Variants in LRRC7 observed in about 807,000 individuals in gnomAD.
LRRC7 encodes the protein leucine-rich repeat-containing protein 7.
In LRRC7, 23 loss-of-function variants were observed where a neutral mutation model predicts 175.7. The observed-to-expected ratio is 0.13, with a 90% CI of 0.09 to 0.19. LRRC7 has a LOEUF of 0.19. Among genes scored for constraint, LRRC7 ranks in the 10% least tolerant of loss-of-function variants. The pLI is 1.00. For missense variants in LRRC7, 1,354 were observed against 1,904.7 expected (o/e 0.71, Z 5.38); for synonymous variants, 685 against 680.9 (o/e 1.01, Z -0.09).
intron 23 of LRRC7, among the ~76,000 whole-genome samples, chr1:70,075,083 A>ATCTGAATTTATT (rs1553200281): frequency 1.3e-5 from 2 of 152,220 alleles, no homozygotes; most frequent in Admixed American, 1.3e-4. Context: ...CAGGAAATAA[A>ATCTGAATTTATT]TCCCCACGTC....
At chr1:69,767,363 C>A (rs918482273) in intron 3 of LRRC7, among the ~76,000 whole-genome samples, 3 of 152,032 alleles carry the variant, frequency 2.0e-5, no homozygotes, top group African/African-American at 7.2e-5. Context: ...TAATACAAAT[C>A]CATCAGTTTG....
chr1:69,917,591 C>T (rs1646759637), intron 7 of LRRC7, among the ~76,000 whole-genome samples: 1 of 152,120 alleles, frequency 6.6e-6, no homozygotes, highest in Non-Finnish European at 1.5e-5. Context: ...AAGAGTGCTG[C>T]TGGTATCTAG....
intron 16 of LRRC7, 76 bp from the exon 17 acceptor site, chr1:70,023,050 T>G: frequency 7.3e-7 from 1 of 1,369,274 alleles, no homozygotes; most frequent in Non-Finnish European, 9.6e-7. Flanking sequence ...AAAAAGAGAG[T>G]AGAAAAATGA....
At chr1:69,942,311 T>C (rs1380648522) in intron 8 of LRRC7, among the ~76,000 whole-genome samples, 1 of 152,106 alleles carries the variant, frequency 6.6e-6, no homozygotes, top group Non-Finnish European at 1.5e-5. Flanking sequence ...TCAATCACCA[T>C]AGGACGTGAT....
At chr1:69,753,905 ATTTAAATTT>A (rs2100908712) in intron 2 of LRRC7, among the ~76,000 whole-genome samples, 1 of 152,204 alleles carries the variant, frequency 6.6e-6, no homozygotes, top group South Asian at 2.1e-4. Context: ...TCCCTTTTTA[ATTTAAATTT>A]TTTAAAGCAA....
intron 1 of LRRC7, among the ~76,000 whole-genome samples, chr1:69,621,804 C>G (rs967894100): frequency 2.0e-5 from 3 of 152,176 alleles, no homozygotes; most frequent in African/African-American, 7.2e-5. Flanking sequence ...CTGGACCACT[C>G]TTTTTCTGAC....
intron 1 of LRRC7, among the ~76,000 whole-genome samples, chr1:69,630,670 ATTTC>A (rs913420605): frequency 6.6e-6 from 1 of 151,816 alleles, no homozygotes; most frequent in African/African-American, 2.4e-5. Context: ...TTCATTGGCT[ATTTC>A]TTTTTCTATT....
chr1:69,681,673 C>T (rs778173001), intron 2 of LRRC7, among the ~76,000 whole-genome samples: 6 of 151,926 alleles, frequency 3.9e-5, no homozygotes, highest in Non-Finnish European at 7.4e-5. Context: ...AGCCACAGCC[C>T]CTTTCAACTA....
At chr1:69,643,767 G>A (rs1335177773) in intron 1 of LRRC7, among the ~76,000 whole-genome samples, 2 of 152,100 alleles carry the variant, frequency 1.3e-5, no homozygotes, top group South Asian at 2.1e-4. Flanking sequence ...TTGTATGATT[G>A]TTTTGAGGCA....
intron 2 of LRRC7, among the ~76,000 whole-genome samples, chr1:69,753,796 TTGAG>T (rs375514441): frequency 1.4e-3 from 220 of 152,186 alleles, no homozygotes; most frequent in African/African-American, 4.5e-3. Flanking sequence ...AAGATTGATA[TTGAG>T]TGAGTAATTA....
intron 1 of LRRC7, among the ~76,000 whole-genome samples, chr1:69,581,029 G>A (rs939921709): frequency 2.0e-5 from 3 of 152,168 alleles, no homozygotes; most frequent in African/African-American, 7.2e-5. Flanking sequence ...AGGGCAATGT[G>A]ATTGGCAGGA....
intron 1 of LRRC7, among the ~76,000 whole-genome samples, chr1:69,633,006 A>T (rs1557517114): frequency 1.3e-5 from 2 of 152,094 alleles, no homozygotes; most frequent in Non-Finnish European, 2.9e-5. Context: ...TCACAGAAAT[A>T]GAGTATTTAC....
Position 69,678,446 on chromosome 1 carries a change from G to C in LRRC7, c.68G>C (p.Arg23Pro), listed in dbSNP as rs758484539. 7 of 1,604,972 alleles carry C rather than the reference G, an allele frequency of 4.4e-6. No individual in the cohort carries two copies. Among genetic ancestry groups the C allele is most frequent in the Admixed American group, 3.4e-5 (2 of 59,132 alleles). Reference sequence around the variant, plus strand: ...CAGAGAAGTCCTTGTAAAGAGGTTCGTGCAGCACTTCGGAAGAGGCCTGAA... The same window carrying C: ...CAGAGAAGTCCTTGTAAAGAGGTTCCTGCAGCACTTCGGAAGAGGCCTGAA... ...QYQRSPCKEV[R>P]AALRKRPEEE... The change falls in exon 2 of 27, where the codon CGT becomes CCT. Residue 23 changes from arginine to proline, a missense_variant. Arg to Pro is a moderately radical substitution (Grantham distance 103, BLOSUM62 -2). Around this residue, in one of 4 missense-constraint regions of LRRC7, gnomAD observed 68 missense variants for 83.4 expected, o/e 0.82. Transcript: ENST00000651989.
At chr1:69,592,399 T>G (rs1221189694) in intron 1 of LRRC7, among the ~76,000 whole-genome samples, 1 of 151,926 alleles carries the variant, frequency 6.6e-6, no homozygotes, top group Admixed American at 6.6e-5. Flanking sequence ...AAAGAAAGAG[T>G]GAGTGCATAT....
At position 70,140,727 on chromosome 1, in the gene LRRC7, A is replaced by G. The variant is rs1667030522; in HGVS notation, c.*18840A>G. On this transcript the variant is annotated 3_prime_UTR_variant, in exon 27 of 27. Transcript: ENST00000651989. ...CTTATTCCCAAACCAGGCTTGAGAA[A>G]AAAAGCATTCAAGGGCCCTGCCCAG... is the stretch of plus-strand genomic sequence containing the variant. 1 of 152,168 alleles carries G rather than the reference A, an allele frequency of 6.6e-6. No individual in the cohort carries two copies. The highest frequency in any genetic ancestry group is 1.5e-5 in the Non-Finnish European group (1 of 68,020). 9.4% of individuals were successfully genotyped at this position (152,168 alleles called of 1,614,324 possible).
In LRRC7 at chr1:69,696,402, T is replaced by C. The variant is rs559052383; in HGVS notation, c.100+17924T>C. ...CATTATATCTTGGAAGTAAATAACTTGTTTTTTTAATTTACAGGCTCATAG... is the reference window on the plus strand; with the variant it reads ...CATTATATCTTGGAAGTAAATAACTCGTTTTTTTAATTTACAGGCTCATAG... On this transcript the variant is annotated intron_variant, in intron 2 of 26. Coordinates refer to ENST00000651989, the MANE Select transcript of LRRC7 (RefSeq NM_001370785.2). Among the ~76,000 whole-genome samples, 12 of 152,300 alleles carry C rather than the reference T, an allele frequency of 7.9e-5. 1 individual carries two copies. In the South Asian group the frequency reaches 8.3e-4, roughly 11 times the overall value.
intron 2 of LRRC7, among the ~76,000 whole-genome samples, chr1:69,742,581 C>G (rs1668830661): frequency 6.6e-6 from 1 of 151,772 alleles, no homozygotes; most frequent in South Asian, 2.1e-4. Context: ...TGTGAGATAT[C>G]TCAGCAACCA....
intron 7 of LRRC7, among the ~76,000 whole-genome samples, chr1:69,892,439 A>T (rs1645863367): frequency 6.6e-6 from 1 of 152,252 alleles, no homozygotes; most frequent in Admixed American, 6.5e-5. Flanking sequence ...TGTTGGAGCA[A>T]CACCACGCAG....
At chr1:69,693,096 C>A (rs931198463) in intron 2 of LRRC7, among the ~76,000 whole-genome samples, 3 of 152,168 alleles carry the variant, frequency 2.0e-5, no homozygotes, top group Non-Finnish European at 4.4e-5. Flanking sequence ...ACATCACTGG[C>A]TTTCCTGGGT....
Sources: allele counts gnomAD v4.1 joint callset (sites outside exome capture counted in the v4.1 genomes callset), GRCh38; gene constraint gnomAD v4.1.1; regional missense constraint gnomAD v4.1.1; transcripts MANE v1.5; gene names NCBI Gene and HGNC (gene_info 2026-07-23, HGNC 2026-07-21).